Variants in NSUN7 observed in about 807,000 individuals in gnomAD.
NSUN7 encodes the protein NOP2/Sun RNA methyltransferase family member 7.
A neutral mutation model predicts 58.5 loss-of-function variants in NSUN7; 39 were observed. The observed-to-expected ratio is 0.67, with a 90% CI of 0.52 to 0.87. The LOEUF (loss-of-function observed/expected upper bound fraction) is 0.87, where lower values mean the gene tolerates loss of function less well. Among genes scored for constraint, NSUN7 ranks in the 40% least tolerant of loss-of-function variants. The probability of loss-of-function intolerance (pLI) is 0.00; values close to 1 mark genes in which losing one functional copy is unlikely to be tolerated. For missense variants in NSUN7, 765 were observed against 844.1 expected (o/e 0.91, Z 1.16); for synonymous variants, 278 against 303.7 (o/e 0.92, Z 0.88).
rs1403807500 is a variant in NSUN7, at chr4:40,790,596, C to T, written c.1037-6C>T. 23 of 1,500,602 alleles carry T rather than the reference C, an allele frequency of 1.5e-5. No individual in the cohort carries two copies. Among genetic ancestry groups the T allele is most frequent in the Non-Finnish European group, 2.1e-5 (23 of 1,099,444 alleles). 93.0% of individuals were successfully genotyped at this position (1,500,602 alleles called of 1,614,324 possible). ...TTACATTAAATTTTCTGTGTTTTTT[C>T]CCCAGATATTGAAATACTTCATGAG... On this transcript the variant is annotated splice_polypyrimidine_tract_variant and splice_region_variant and intron_variant, in intron 7 of 11. Coordinates refer to ENST00000381782, the MANE Select transcript of NSUN7 (RefSeq NM_024677.6).
intron 2 of NSUN7, among the ~76,000 whole-genome samples, chr4:40,754,166 CAG>C (rs1245308188): frequency 1.4e-5 from 2 of 139,088 alleles, no homozygotes; most frequent in African/African-American, 2.7e-5. Flanking sequence ...TTTTTTGAGA[CAG>C]AGTCTTGCTC....
At position 40,808,702 on chromosome 4, in the gene NSUN7, A is replaced by G; in HGVS notation, c.1920A>G (p.Glu640=). ...RQTHFLRPRP[E]DRMVALKPIK... ...CACACTTCTTAAGACCTCGGCCAGA[A>G]GACAGAATGGTTGCTCTGAAACCCA... Residue 640 remains glutamate, a synonymous_variant, in exon 12 of 12, where the codon GAA becomes GAG. Coordinates refer to ENST00000381782, the MANE Select transcript of NSUN7 (RefSeq NM_024677.6). 1 of 1,551,470 alleles carries G rather than the reference A, an allele frequency of 6.4e-7. No individual in the cohort carries two copies.
Position 40,799,085 on chromosome 4 carries a change from T to G in NSUN7, c.1400+181T>G, listed in dbSNP as rs1027875627. 5.3e-4 allele frequency among the ~76,000 whole-genome samples: 74 copies of G among 139,678 alleles called. 3 individuals are homozygous for G. Among genetic ancestry groups the G allele is most frequent in the East Asian group, 4.0e-4 (2 of 4,944 alleles). The allele number at this position is 139,678 out of a possible 152,430, so 91.6% of individuals were successfully genotyped here. A position where few individuals can be genotyped will look rare whatever the true frequency, so the allele number is the denominator to read the frequency against. ...ATAGGGCCTTTTTCTTTTTTTTTTT[T>G]TTTTTTTTTTTTTTTTTAAAGATGG... is the stretch of plus-strand genomic sequence containing the variant. On this transcript the variant is annotated intron_variant, in intron 10 of 11. Transcript: ENST00000381782.
chr4:40,808,316 T>G lies in NSUN7; in HGVS notation c.1534T>G (p.Ser512Ala). The G allele has an allele frequency of 6.2e-7, 1 of 1,612,132 alleles. No homozygotes were observed. The highest frequency in any genetic ancestry group is 8.5e-7 in the Non-Finnish European group (1 of 1,178,718). Residue 512 changes from serine to alanine, a missense_variant, in exon 12 of 12, where the codon TCT (serine) becomes GCT (alanine). Coordinates refer to ENST00000381782, the MANE Select transcript of NSUN7 (RefSeq NM_024677.6). ...LSILTRERDP[S>A]ETVSVNDVLA... ...GCTTCTTTAATTGCAGCGGGACCCT[T>G]CTGAGACAGTGTCTGTGAATGATGT...
intron 10 of NSUN7, among the ~76,000 whole-genome samples, chr4:40,805,447 G>A (rs1013534227): frequency 6.6e-6 from 1 of 152,168 alleles, no homozygotes; most frequent in Admixed American, 6.5e-5. Flanking sequence ...AGCATCTTGT[G>A]TTTTGAATCT....
intron 2 of NSUN7, among the ~76,000 whole-genome samples, chr4:40,757,387 G>T (rs914735027): frequency 2.0e-5 from 3 of 151,840 alleles, no homozygotes; most frequent in Non-Finnish European, 4.4e-5. Context: ...ATGATGTTTA[G>T]TAGGATAGAT....
At chr4:40,797,483 T>C (rs925026249) in intron 9 of NSUN7, among the ~76,000 whole-genome samples, 8 of 152,220 alleles carry the variant, frequency 5.3e-5, no homozygotes, top group Non-Finnish European at 1.0e-4. Context: ...AGTACTGCCA[T>C]TTCAGTTAAT....
intron 10 of NSUN7, among the ~76,000 whole-genome samples, chr4:40,806,506 AT>A (rs1177345702): frequency 6.6e-6 from 1 of 152,150 alleles, no homozygotes; most frequent in East Asian, 1.9e-4. Flanking sequence ...ATGATTTGAG[AT>A]TTTTCTGACA....
At chr4:40,757,611 T>G in intron 2 of NSUN7, among the ~76,000 whole-genome samples, 1 of 144,964 alleles carries the variant, frequency 6.9e-6, no homozygotes, top group Non-Finnish European at 1.5e-5. Flanking sequence ...TATATATACA[T>G]TGTGTGTATA....
rs760272967 is a variant in NSUN7 at position 40,808,479 on chromosome 4, T to C, written c.1697T>C (p.Ile566Thr). ...ACTGATAATGGCATCCAAATGAAAA[T>C]TGCTGAGTTCCTGAATCGAGAAACT... Reference protein sequence around the residue: ...ATTDNGIQMKIAEFLNRETKA... With the variant: ...ATTDNGIQMKTAEFLNRETKA... Residue 566 changes from isoleucine to threonine, a missense_variant, in exon 12 of 12, where the codon ATT (isoleucine) becomes ACT (threonine). Transcript: ENST00000381782. The C allele has an allele frequency of 6.4e-7, 1 of 1,574,132 alleles. No homozygotes were observed. Among genetic ancestry groups the C allele is most frequent in the East Asian group, 2.3e-5 (1 of 42,976 alleles).
At position 40,750,615 on chromosome 4, in the gene NSUN7, A is replaced by T. The variant is rs751168036; in HGVS notation, c.-79A>T. ...TCTCTCTTCACAGAGACCATGCTGC[A>T]GATGCGAGGAAAGCCGTTTCCTGGA... On this transcript the variant is annotated 5_prime_UTR_variant, in exon 2 of 12. Coordinates refer to ENST00000381782, the MANE Select transcript of NSUN7 (RefSeq NM_024677.6). 6.7e-7 allele frequency: 1 copy of T among 1,499,566 alleles called. No individual in the cohort carries two copies. The highest frequency in any genetic ancestry group is 9.1e-7 in the Non-Finnish European group (1 of 1,095,676). 92.9% of individuals were successfully genotyped at this position (1,499,566 alleles called of 1,614,324 possible).
rs559180227 is a variant in NSUN7 at position 40,808,668 on chromosome 4, A to T, written c.1886A>T (p.Glu629Val). ...AACACTTGTCCCTCCAGACCGCGTG[A>T]ACGGCAGACACACTTCTTAAGACCT... Reference protein sequence around the residue: ...VKNTCPSRPRERQTHFLRPRP... With the variant: ...VKNTCPSRPRVRQTHFLRPRP... The change falls in exon 12 of 12, where the codon GAA becomes GTA. Residue 629 changes from glutamate to valine, a missense_variant. Physicochemically the swap from Glu to Val is moderately radical, Grantham distance 121 (BLOSUM62 -2). Transcript: ENST00000381782. The T allele has an allele frequency of 1.9e-6, 3 of 1,551,862 alleles. No homozygotes were observed. The African/African-American group carries it at 4.1e-5, about 21-fold the overall frequency.
rs1371570518 is a variant in NSUN7 at position 40,807,048 on chromosome 4, C to T, written c.1401-13C>T. 5 of 1,549,932 alleles carry T rather than the reference C, an allele frequency of 3.2e-6. No homozygotes were observed. The highest frequency in any genetic ancestry group is 2.0e-5 in the Admixed American group (1 of 50,452). On this transcript the variant is annotated splice_polypyrimidine_tract_variant and intron_variant, in intron 10 of 11. Coordinates refer to ENST00000381782, the MANE Select transcript of NSUN7 (RefSeq NM_024677.6). ...CATTCTAACTGCTGAATGCTTGTTC[C>T]TGTCTGCTGCAGGCTTAGTCCTCCT...
intron 4 of NSUN7, among the ~76,000 whole-genome samples, chr4:40,768,768 T>C (rs1343077324): frequency 6.6e-6 from 1 of 152,192 alleles, no homozygotes; most frequent in African/African-American, 2.4e-5. Context: ...GTAACTGTCT[T>C]TTTAATACTG....
At chr4:40,774,677 TTTTC>T in intron 5 of NSUN7, 86 bp from the exon 6 acceptor site, 3 of 849,876 alleles carry the variant, frequency 3.5e-6, no homozygotes, top group Non-Finnish European at 5.5e-6. Context: ...GAAGTGATAT[TTTTC>T]TTTGTTACAG....
intron 7 of NSUN7, among the ~76,000 whole-genome samples, chr4:40,777,440 T>C (rs1742324730): frequency 1.3e-5 from 2 of 152,112 alleles, no homozygotes. Context: ...TTCAAGCGAT[T>C]CTCCTGCCTC....
intron 2 of NSUN7, among the ~76,000 whole-genome samples, chr4:40,752,821 A>ATAAT (rs773765615): frequency 0.81 from 122,138 of 151,628 alleles, 49,963 homozygotes; most frequent in African/African-American, 0.93. Context: ...GTCTGCAGAG[A>ATAAT]GTCTCTTTGT....
At chr4:40,792,062 A>G (rs1393979231) in intron 8 of NSUN7, among the ~76,000 whole-genome samples, 1 of 152,234 alleles carries the variant, frequency 6.6e-6, no homozygotes, top group Non-Finnish European at 1.5e-5. Context: ...ATTTCTTTCC[A>G]GAGAGACTTC....
At position 40,809,858 on chromosome 4, in the gene NSUN7, A is replaced by G. The variant is rs1380251751; in HGVS notation, c.*919A>G. On this transcript the variant is annotated 3_prime_UTR_variant, in exon 12 of 12. Transcript: ENST00000381782. ...TTGTAGCACTATGTTAATTAATTAT[A>G]TTAAATGTCGATTCATCTTGAATGT... 1 of 152,228 alleles carries G rather than the reference A, an allele frequency of 6.6e-6. No individual in the cohort carries two copies. The highest frequency in any genetic ancestry group is 1.9e-4 in the East Asian group (1 of 5,206). The allele number at this position is 152,228 out of a possible 1,614,324, so 9.4% of individuals were successfully genotyped here. A position where few individuals can be genotyped will look rare whatever the true frequency, so the allele number is the denominator to read the frequency against.
Sources: allele counts gnomAD v4.1 joint callset (sites outside exome capture counted in the v4.1 genomes callset), GRCh38; gene constraint gnomAD v4.1.1; transcripts MANE v1.5; gene names NCBI Gene and HGNC (gene_info 2026-07-23, HGNC 2026-07-21).